Variants in COPB2 observed in about 807,000 individuals in gnomAD.
COPB2 encodes coat protein complex I subunit beta 2.
In COPB2, 16 loss-of-function variants were observed where a neutral mutation model predicts 120.8. The observed-to-expected ratio is 0.13, with a 90% confidence interval of 0.09 to 0.20. COPB2 has a LOEUF of 0.20. COPB2 is among the 10% of genes least tolerant of loss of function. The pLI is 1.00. For synonymous variants in COPB2, 332 were observed against 366.3 expected (o/e 0.91, Z 1.07); for missense variants, 794 against 1,076.5 (o/e 0.74, Z 3.67).
chr3:139,379,127 ACT>A lies in COPB2; in HGVS notation c.273_274del (p.Arg91SerfsTer5). 1 of 1,611,800 alleles carries A rather than the reference ACT, an allele frequency of 6.2e-7. No homozygotes were observed. Among genetic ancestry groups the A allele is most frequent in the Non-Finnish European group, 8.5e-7 (1 of 1,179,390 alleles). On this transcript the variant is annotated frameshift_variant, in exon 4 of 22. Transcript: ENST00000333188. LOFTEE classifies it high-confidence loss of function. ...GTCTGAGTGTGCTTCAAACATATGA[ACT>A]CTCTCCAGAGTATTGTAATTGAACA...
Position 139,379,124 on chromosome 3 carries a change from T to C in COPB2, c.278A>G (p.His93Arg). 2 of 1,612,464 alleles carry C rather than the reference T, an allele frequency of 1.2e-6. No individual in the cohort carries two copies. The highest frequency in any genetic ancestry group is 1.7e-6 in the Non-Finnish European group (2 of 1,179,544). Reference protein sequence around the residue: ...VFNYNTLERVHMFEAHSDYIR... With the variant: ...VFNYNTLERVRMFEAHSDYIR... ...GTAGTCTGAGTGTGCTTCAAACATA[T>C]GAACTCTCTCCAGAGTATTGTAATT... Residue 93 changes from histidine (H) to arginine (R), a missense_variant, in exon 4 of 22, where the codon CAT becomes CGT. Coordinates refer to ENST00000333188, the MANE Select transcript of COPB2 (RefSeq NM_004766.3).
At chr3:139,376,273 A>G in intron 5 of COPB2, among the ~76,000 whole-genome samples, 1 of 152,328 alleles carries the variant, frequency 6.6e-6, no homozygotes, top group Non-Finnish European at 1.5e-5. Context: ...AAATAAATAA[A>G]TAAAAATAAA....
chr3:139,371,192 G>A (rs1941617803), intron 10 of COPB2, among the ~76,000 whole-genome samples: 1 of 152,210 alleles, frequency 6.6e-6, no homozygotes. Flanking sequence ...CTTTTAATGA[G>A]AACATTTTAT....
intron 2 of COPB2, chr3:139,382,646 A>C (rs1027485745): frequency 2.6e-5 from 4 of 152,354 alleles, no homozygotes; most frequent in Admixed American, 2.0e-4. Context: ...CAAGAACTTA[A>C]CTTTGGACGT....
rs961387244 is a variant in COPB2 at position 139,379,460 on chromosome 3, C to T, written c.148G>A (p.Val50Met). ...CVWNHETQTL[V>M]KTFEVCDLPV... Reference sequence around the variant, plus strand: ...AGATCACATACTTCAAATGTCTTCACCAGTGTCTTTAAAATGTAACAAGAA... The same window carrying T: ...AGATCACATACTTCAAATGTCTTCATCAGTGTCTTTAAAATGTAACAAGAA... The change falls in exon 3 of 22, where the codon GTG becomes ATG. Residue 50 changes from valine to methionine, a missense_variant. Val to Met is a conservative substitution (Grantham distance 21). Around this residue, in one of 3 missense-constraint regions of COPB2, gnomAD observed 610 missense variants for 866.7 expected, o/e 0.70. Transcript: ENST00000333188. 6.2e-7 allele frequency: 1 copy of T among 1,613,362 alleles called. No homozygotes were observed. The highest frequency in any genetic ancestry group is 8.5e-7 in the Non-Finnish European group (1 of 1,179,628).
chr3:139,385,531 T>C (rs1941904372), intron 1 of COPB2: 2 of 152,194 alleles, frequency 1.3e-5, no homozygotes, highest in East Asian at 3.8e-4. Context: ...GTGTGATCAA[T>C]AAGGGTTATA....
At position 139,374,619 on chromosome 3, in the gene COPB2, T is replaced by A. The variant is rs374572815; in HGVS notation, c.652-31A>T. ...ATTAAGACATAGAAAACATGTTTTA[T>A]TAATGAAAAACATGTAACCAGCCCG... On this transcript the variant is annotated intron_variant, in intron 6 of 21. Transcript: ENST00000333188. 4 of 1,577,798 alleles carry A rather than the reference T, an allele frequency of 2.5e-6. No homozygotes were observed. In the Admixed American group the frequency reaches 6.7e-5, roughly 27 times the overall value.
At position 139,361,185 on chromosome 3, in the gene COPB2, C is replaced by T; in HGVS notation, c.2106G>A (p.Leu702=). The T allele has an allele frequency of 6.2e-7, 1 of 1,614,208 alleles. No homozygotes were observed. The highest frequency in any genetic ancestry group is 8.5e-7 in the Non-Finnish European group (1 of 1,180,046). The change falls in exon 17 of 22, where the codon TTG becomes TTA. Residue 702 remains leucine, a synonymous_variant. Transcript: ENST00000333188. ...TATTAGCATTTCCAGAGGCAGTGGC[C>T]AAAAGCAGCAGGCCCCCATAATCCT... ...HAQDYGGLLL[L]ATASGNANMV... is the part of the protein sequence containing the mutation.
chr3:139,369,473 G>C lies in COPB2; in HGVS notation c.1277C>G (p.Pro426Arg). ...ACACTCACTTTCTGCTCCAAAATCT[G>C]GTTTAAATGATTTTTTTTCCTTAAA... Reference protein sequence around the residue: ...KNFKEKKSFKPDFGAESIYGG... With the variant: ...KNFKEKKSFKRDFGAESIYGG... Residue 426 changes from proline (P) to arginine (R), a missense_variant, in exon 11 of 22, where the codon CCA becomes CGA. Physicochemically the swap from Pro to Arg is moderately radical, Grantham distance 103. Around this residue, in one of 3 missense-constraint regions of COPB2, gnomAD observed 610 missense variants for 866.7 expected, o/e 0.70. Coordinates refer to ENST00000333188, the MANE Select transcript of COPB2 (RefSeq NM_004766.3). The C allele has an allele frequency of 6.2e-7, 1 of 1,610,928 alleles. No individual in the cohort carries two copies. The highest frequency in any genetic ancestry group is 8.5e-7 in the Non-Finnish European group (1 of 1,178,248).
At chr3:139,361,429 A>G in intron 16 of COPB2, 134 bp from the exon 17 acceptor site, 2 of 785,314 alleles carry the variant, frequency 2.5e-6, no homozygotes, top group Non-Finnish European at 4.0e-6. Context: ...TCAAAATAAG[A>G]ATGGCATTGC....
rs1192633875 is a variant in COPB2, at chr3:139,368,183, C to T, written c.1507G>A (p.Glu503Lys). The change falls in exon 13 of 22, where the codon GAG becomes AAG. Residue 503 changes from glutamate to lysine, a missense_variant. This residue lies in a region of COPB2 where 610 missense variants were observed against 866.7 expected (regional missense o/e 0.70). Coordinates refer to ENST00000333188, the MANE Select transcript of COPB2 (RefSeq NM_004766.3). ...TCAATGCCATCTTCAGTAACTCCCT[C>T]ATGTGTTTCCTGTGCAGCCAAGACT... is the stretch of plus-strand genomic sequence containing the variant. ...EKVLAAQETH[E>K]GVTEDGIEDA... 7 of 1,613,776 alleles carry T rather than the reference C, an allele frequency of 4.3e-6. No individual in the cohort carries two copies. Among genetic ancestry groups the T allele is most frequent in the Non-Finnish European group, 5.9e-6 (7 of 1,179,890 alleles).
At chr3:139,358,617 C>A in intron 20 of COPB2, 127 bp downstream of exon 20, 1 of 677,696 alleles carries the variant, frequency 1.5e-6, no homozygotes, top group Non-Finnish European at 2.6e-6. Flanking sequence ...GGAGACAGAG[C>A]TTGCAGTGAG....
Position 139,362,416 on chromosome 3 carries a change from C to T in COPB2, c.1986G>A (p.Val662=), listed in dbSNP as rs772239362. The change falls in exon 16 of 22, where the codon GTG becomes GTA. Residue 662 remains valine (V), a synonymous_variant. Transcript: ENST00000333188. Reference sequence around the variant, plus strand: ...ATGAATTAGTACATACCTCTGCTTCCACTGCTAACTGGTATGCAATTTTTA... The same window carrying T: ...ATGAATTAGTACATACCTCTGCTTCTACTGCTAACTGGTATGCAATTTTTA... ...GELKIAYQLA[V]EAESEQKWKQ... is the part of the protein sequence containing the mutation. 3.1e-6 allele frequency: 5 copies of T among 1,607,656 alleles called. No individual in the cohort carries two copies. In the East Asian group the frequency reaches 9.0e-5, roughly 29 times the overall value.
At chr3:139,364,370 C>G (rs1941479661) in intron 15 of COPB2, among the ~76,000 whole-genome samples, 1 of 152,068 alleles carries the variant, frequency 6.6e-6, no homozygotes, top group Non-Finnish European at 1.5e-5. Flanking sequence ...TTGGAGAGGA[C>G]AAACTAAAGA....
intron 17 of COPB2, among the ~76,000 whole-genome samples, chr3:139,359,772 T>C (rs958131837): frequency 1.1e-4 from 17 of 151,942 alleles, no homozygotes; most frequent in African/African-American, 4.1e-4. Flanking sequence ...TACCATGGTG[T>C]CTTATTTTTT....
chr3:139,384,611 G>A (rs1416593879), intron 1 of COPB2, among the ~76,000 whole-genome samples: 2 of 152,194 alleles, frequency 1.3e-5, no homozygotes, highest in African/African-American at 4.8e-5. Flanking sequence ...AGACAACTAC[G>A]ATACTTCGGT....
chr3:139,389,365 C>G (rs931547650), intron 1 of COPB2, 183 bp downstream of exon 1: 36 of 994,438 alleles, frequency 3.6e-5, no homozygotes, highest in Non-Finnish European at 4.3e-5. Flanking sequence ...CAAATCACCC[C>G]GGTCCCCTAG....
intron 1 of COPB2, among the ~76,000 whole-genome samples, chr3:139,388,786 C>A (rs1407003435): frequency 1.0e-5 from 1 of 100,418 alleles, no homozygotes; most frequent in Non-Finnish European, 2.1e-5. Flanking sequence ...CCACCACGCC[C>A]GGCTAATTTC....
chr3:139,377,184 CT>C (rs1299782253), intron 5 of COPB2, among the ~76,000 whole-genome samples: 1 of 152,232 alleles, frequency 6.6e-6, no homozygotes, highest in African/African-American at 2.4e-5. Context: ...GACACAGTTT[CT>C]ATCCCCCAAA....
Sources: gnomAD v4.1 joint callset for allele counts (sites outside exome capture counted in the v4.1 genomes callset) on GRCh38, gnomAD v4.1.1 for gene constraint, gnomAD v4.1.1 regional missense constraint, MANE v1.5 for transcripts, NCBI Gene and HGNC (gene_info 2026-07-23, HGNC 2026-07-21) for gene names.